The following PLEKHH2 variants were observed in gnomAD, a reference collection of about 807,000 sequenced individuals.
The protein encoded by PLEKHH2 is pleckstrin homology domain-containing family H member 2.
In PLEKHH2, 129 loss-of-function variants were observed where a neutral mutation model predicts 187.9. That is an observed-to-expected ratio of 0.69 (90% CI 0.59 to 0.79). The LOEUF (loss-of-function observed/expected upper bound fraction) is 0.79. Ranked by LOEUF, PLEKHH2 falls within the 30% of genes least tolerant of loss-of-function variation. The pLI, the probability that PLEKHH2 is intolerant of heterozygous loss-of-function variation, is 0.00. For missense variants in PLEKHH2, 2,076 were observed against 1,751.2 expected (o/e 1.19, Z -3.31); for synonymous variants, 686 against 605.6 (o/e 1.13, Z -1.95).
At chr2:43,721,505 C>A (rs912573589) in intron 16 of PLEKHH2, among the ~76,000 whole-genome samples, 4 of 152,172 alleles carry the variant, frequency 2.6e-5, no homozygotes, top group Admixed American at 1.3e-4. Flanking sequence ...CCTACACTCT[C>A]AGGTCTGACC....
intron 5 of PLEKHH2, 25 bp from the exon 6 acceptor site, chr2:43,695,118 A>T: frequency 7.4e-7 from 1 of 1,355,420 alleles, no homozygotes; most frequent in Non-Finnish European, 1.0e-6. Context: ...CTCTATATGA[A>T]AAGAATACCA....
chr2:43,653,030 G>C (rs2104354198), intron 2 of PLEKHH2, among the ~76,000 whole-genome samples: 1 of 152,232 alleles, frequency 6.6e-6, no homozygotes, highest in Admixed American at 6.5e-5. Flanking sequence ...AAACATTAAA[G>C]AGATGGAAAA....
rs771350983 is a variant in PLEKHH2, at chr2:43,695,121, G to A, written c.421-22G>A. 7.1e-6 allele frequency: 10 copies of A among 1,399,386 alleles called. No individual in the cohort carries two copies. The East Asian group carries it at 9.3e-5, about 13-fold the overall frequency. 86.7% of individuals were successfully genotyped at this position (1,399,386 alleles called of 1,614,324 possible). A position where few individuals can be genotyped will look rare whatever the true frequency, so the allele number is the denominator to read the frequency against. ...TTATAATATTATCTCTATATGAAAAGAATACCATTATGTTCTCTTAGCTGG... is the reference window on the plus strand; with the variant it reads ...TTATAATATTATCTCTATATGAAAAAAATACCATTATGTTCTCTTAGCTGG... On this transcript the variant is annotated intron_variant, in intron 5 of 29. Coordinates refer to ENST00000282406, the MANE Select transcript of PLEKHH2 (RefSeq NM_172069.4).
rs1456909637 is a variant in PLEKHH2, at chr2:43,657,502, A to G, written c.123+12706A>G. On this transcript the variant is annotated intron_variant, in intron 2 of 29. Transcript: ENST00000282406. ...GGAAGCTGCAAATCTCTTCAGGCCC[A>G]GTCTCAAAAGGTACAAAGCATTCTA... Among the ~76,000 whole-genome samples the G allele has an allele frequency of 1.3e-5, 2 of 152,210 alleles. 1 individual carries two copies. The highest frequency in any genetic ancestry group is 1.3e-4 in the Admixed American group (2 of 15,270).
At position 43,644,739 on chromosome 2, in the gene PLEKHH2, C is replaced by G. The variant is rs369661211; in HGVS notation, c.66C>G (p.Ser22=). 72 of 1,609,260 alleles carry G rather than the reference C, an allele frequency of 4.5e-5. No homozygotes were observed. The highest frequency in any genetic ancestry group is 5.4e-5 in the Non-Finnish European group (64 of 1,176,840). The change falls in exon 2 of 30, where the codon TCC becomes TCG. Residue 22 remains serine (S), a synonymous_variant. Transcript: ENST00000282406. The part of the protein sequence containing the change: ...DWKERCVALE[S]QLMKFRVQAS... Reference sequence around the variant, plus strand: ...AGGAACGATGTGTAGCTCTGGAGTCCCAACTCATGAAATTTAGAGTTCAAG... The same window carrying G: ...AGGAACGATGTGTAGCTCTGGAGTCGCAACTCATGAAATTTAGAGTTCAAG...
chr2:43,704,149 G>T, intron 9 of PLEKHH2, 93 bp downstream of exon 9: 1 of 848,096 alleles, frequency 1.2e-6, no homozygotes. Context: ...GTCACAAAAA[G>T]ACAAATACTG....
At chr2:43,752,873 T>C (rs925448987) in intron 24 of PLEKHH2, among the ~76,000 whole-genome samples, 1 of 152,204 alleles carries the variant, frequency 6.6e-6, no homozygotes, top group African/African-American at 2.4e-5. Context: ...GTAATAGTGA[T>C]AACATGTAAA....
chr2:43,677,831 AC>A lies in PLEKHH2; in HGVS notation c.124-1023del, dbSNP rs1268272260. ...GGGCAGCTGGCTGGGCGGGGGGCTGACCCCCCCCCACCTCCCTCCCGGACGG... is the reference window on the plus strand; with the variant it reads ...GGGCAGCTGGCTGGGCGGGGGGCTGACCCCCCCCACCTCCCTCCCGGACGG... On this transcript the variant is annotated intron_variant, in intron 2 of 29. Transcript: ENST00000282406. 9.1e-3 allele frequency among the ~76,000 whole-genome samples: 1,131 copies of A among 124,562 alleles called. 30 individuals carry two copies. Among genetic ancestry groups the A allele is most frequent in the African/African-American group, 0.031 (1,016 of 32,526 alleles). 81.7% of individuals were successfully genotyped at this position (124,562 alleles called of 152,430 possible).
At chr2:43,762,223 G>A in intron 27 of PLEKHH2, 81 bp from the exon 28 acceptor site, 3 of 1,086,336 alleles carry the variant, frequency 2.8e-6, no homozygotes, top group East Asian at 4.8e-5. Flanking sequence ...AATGGCAAAT[G>A]TTACATGACA....
chr2:43,737,134 C>G (rs1343779852), intron 19 of PLEKHH2, among the ~76,000 whole-genome samples: 1 of 152,114 alleles, frequency 6.6e-6, no homozygotes, highest in East Asian at 1.9e-4. Flanking sequence ...TTGGTCCACC[C>G]TAAGAAACTT....
intron 14 of PLEKHH2, chr2:43,711,067 G>A: frequency 1.0e-6 from 1 of 987,158 alleles, no homozygotes; most frequent in African/African-American, 1.7e-5. Context: ...CACACTGTAG[G>A]GGCAGCTGCT....
chr2:43,720,805 A>G (rs17031344), intron 16 of PLEKHH2, 56 bp downstream of exon 16: 549,724 of 1,543,220 alleles, frequency 0.36, 103,641 homozygotes, highest in African/African-American at 0.62. Context: ...GTTAGGGCTT[A>G]AACTTTTCCT....
Position 43,741,027 on chromosome 2 carries a change from A to G in PLEKHH2, c.3205A>G (p.Arg1069Gly), listed in dbSNP as rs773886229. Residue 1069 changes from arginine (R) to glycine (G), a missense_variant, in exon 21 of 30, where the codon AGG becomes GGG. Coordinates refer to ENST00000282406, the MANE Select transcript of PLEKHH2 (RefSeq NM_172069.4). ...GTGGCTCCTCAGGCTTCACCTAAAGAGGAATGCAGATTCCAGGTGTGCAGA... is the reference window on the plus strand; with the variant it reads ...GTGGCTCCTCAGGCTTCACCTAAAGGGGAATGCAGATTCCAGGTGTGCAGA... ...FLWLLRLHLK[R>G]NADSRTEFGK... 5 of 1,613,014 alleles carry G rather than the reference A, an allele frequency of 3.1e-6. No individual in the cohort carries two copies. The highest frequency in any genetic ancestry group is 3.4e-6 in the Non-Finnish European group (4 of 1,179,218).
At chr2:43,705,043 T>C (rs1669587748) in intron 9 of PLEKHH2, among the ~76,000 whole-genome samples, 1 of 152,128 alleles carries the variant, frequency 6.6e-6, no homozygotes, top group Non-Finnish European at 1.5e-5. Context: ...TCTTTATTTC[T>C]TCCAAAAAAT....
In PLEKHH2 at chr2:43,695,217, A is replaced by G; in HGVS notation, c.495A>G (p.Lys165=). The G allele has an allele frequency of 6.4e-7, 1 of 1,571,578 alleles. No individual in the cohort carries two copies. The highest frequency in any genetic ancestry group is 8.7e-7 in the Non-Finnish European group (1 of 1,149,594). Residue 165 remains lysine, a synonymous_variant, in exon 6 of 30, where the codon AAA becomes AAG. Coordinates refer to ENST00000282406, the MANE Select transcript of PLEKHH2 (RefSeq NM_172069.4). ...AAGAGATAAGAACAATGCAGTCAAAACTACAAGGTACAAATACTTTACTAA... is the reference window on the plus strand; with the variant it reads ...AAGAGATAAGAACAATGCAGTCAAAGCTACAAGGTACAAATACTTTACTAA... ...QTEEIRTMQS[K]LQEVQGKKSS...
chr2:43,742,354 T>C (rs1671604650), intron 21 of PLEKHH2, among the ~76,000 whole-genome samples: 1 of 152,078 alleles, frequency 6.6e-6, no homozygotes, highest in Non-Finnish European at 1.5e-5. Flanking sequence ...TTAACCACCA[T>C]GTTCTTCAGA....
intron 7 of PLEKHH2, 23 bp from the exon 8 acceptor site, chr2:43,699,624 T>A (rs749025378): frequency 1.3e-6 from 2 of 1,594,116 alleles, no homozygotes; most frequent in Non-Finnish European, 8.5e-7. Context: ...GGCAGCATGC[T>A]GATATGATGT....
Position 43,758,912 on chromosome 2 carries a change from G to C in PLEKHH2, c.3954G>C (p.Gln1318His). Reference sequence around the variant, plus strand: ...TCTTTTTTTTTAGGCAGCTTTGCCAGCGACTTTCAACCAGATGGATGGCCC... The same window carrying C: ...TCTTTTTTTTTAGGCAGCTTTGCCACCGACTTTCAACCAGATGGATGGCCC... ...CSEEQLRQLC[Q>H]RLSTRWMALR... is the part of the protein sequence containing the mutation. The change falls in exon 27 of 30, where the codon CAG (glutamine) becomes CAC (histidine). Residue 1318 changes from glutamine to histidine, a missense_variant. Gln to His is a conservative substitution (Grantham distance 24). Transcript: ENST00000282406. The C allele has an allele frequency of 6.3e-7, 1 of 1,577,424 alleles. No homozygotes were observed. Among genetic ancestry groups the C allele is most frequent in the Non-Finnish European group, 8.6e-7 (1 of 1,160,642 alleles).
intron 3 of PLEKHH2, among the ~76,000 whole-genome samples, chr2:43,685,350 A>G (rs180693340): frequency 2.0e-5 from 3 of 152,348 alleles, no homozygotes; most frequent in Admixed American, 1.3e-4. Context: ...TGTCTGCAGA[A>G]AAAAAGTCAC....
Sources: gnomAD v4.1 joint callset for allele counts (sites outside exome capture counted in the v4.1 genomes callset) on GRCh38, gnomAD v4.1.1 for gene constraint, MANE v1.5 for transcripts, NCBI Gene and HGNC (gene_info 2026-07-23, HGNC 2026-07-21) for gene names.